Variants in BAZ2B observed in about 807,000 individuals in gnomAD.
BAZ2B encodes bromodomain adjacent to zinc finger domain 2B, also known as bromodomain adjacent to zinc finger domain protein 2B.
A neutral mutation model predicts 246.0 loss-of-function variants in BAZ2B; 91 were observed. The observed-to-expected ratio is 0.37, with a 90% CI of 0.31 to 0.44. The LOEUF is 0.44. Among genes scored for constraint, BAZ2B ranks in the 20% least tolerant of loss-of-function variants. The pLI is 1.00. For missense variants in BAZ2B, 2,332 were observed against 2,533.7 expected (o/e 0.92, Z 1.71); for synonymous variants, 855 against 860.0 (o/e 0.99, Z 0.10).
chr2:159,694,590 C>T, the BAZ2B span: 1 of 152,098 alleles, frequency 6.6e-6, no homozygotes, highest in Non-Finnish European at 1.5e-5. Context: ...TACAATGTGA[C>T]CTTTTATGTT....
At chr2:159,700,422 A>G in the BAZ2B span, among the ~76,000 whole-genome samples, 1 of 149,400 alleles carries the variant, frequency 6.7e-6, no homozygotes, top group African/African-American at 2.5e-5. Context: ...AATTTGTATT[A>G]TATTTTATAA....
At chr2:159,437,295 G>C in intron 8 of BAZ2B, 1 of 152,060 alleles carries the variant, frequency 6.6e-6, no homozygotes, top group Non-Finnish European at 1.5e-5. Context: ...AAAATCAACA[G>C]CAAGAAAAAC....
chr2:159,439,481 T>G (rs1001840752), intron 6 of BAZ2B, among the ~76,000 whole-genome samples: 1 of 152,186 alleles, frequency 6.6e-6, no homozygotes, highest in African/African-American at 2.4e-5. Context: ...ATATGACTGT[T>G]ATTCTTCAAA....
At position 159,352,286 on chromosome 2, in the gene BAZ2B, C is replaced by T. The variant is rs115018830; in HGVS notation, c.4214-1929G>A. Among the ~76,000 whole-genome samples the T allele has an allele frequency of 7.6e-3, 1,152 of 152,186 alleles. 14 individuals are homozygous for T. Among genetic ancestry groups the T allele is most frequent in the African/African-American group, 0.026 (1,084 of 41,528 alleles). On this transcript the variant is annotated intron_variant, in intron 27 of 36. Coordinates refer to ENST00000392783, the MANE Select transcript of BAZ2B (RefSeq NM_013450.4). ...TATCCTTCATGTCTCAGATAATAAA[C>T]GTTATTTCCTTACGGAGATTTTCTC...
At chr2:159,376,001 T>G (rs2061375629) in intron 25 of BAZ2B, among the ~76,000 whole-genome samples, 1 of 152,180 alleles carries the variant, frequency 6.6e-6, no homozygotes, top group African/African-American at 2.4e-5. Flanking sequence ...TTGTAAGTAA[T>G]TGTGTGAAAT....
At chr2:159,468,835 G>C (rs2077407190) in intron 3 of BAZ2B, among the ~76,000 whole-genome samples, 1 of 152,232 alleles carries the variant, frequency 6.6e-6, no homozygotes, top group South Asian at 2.1e-4. Flanking sequence ...ACAAGTTCAG[G>C]AGTTCAAGAC....
intron 3 of BAZ2B, among the ~76,000 whole-genome samples, chr2:159,466,741 GT>G (rs143225140): frequency 0.035 from 5,361 of 152,274 alleles, 288 homozygotes; most frequent in African/African-American, 0.12. Flanking sequence ...GGCTGATGGT[GT>G]TAAGTCCCAG....
chr2:159,662,321 G>T, the BAZ2B span, among the ~76,000 whole-genome samples: 2 of 152,186 alleles, frequency 1.3e-5, no homozygotes, highest in African/African-American at 4.8e-5. Context: ...ATTTGTTTGG[G>T]TATCTGTTTT....
chr2:159,576,707 T>A (rs1468567538), intron 1 of BAZ2B, among the ~76,000 whole-genome samples: 2 of 134,684 alleles, frequency 1.5e-5, no homozygotes, highest in Admixed American at 7.8e-5. Context: ...AGGTCGGGAG[T>A]TCGAGACCAG....
At chr2:159,497,363 C>T (rs1030389410) in intron 2 of BAZ2B, among the ~76,000 whole-genome samples, 1 of 152,192 alleles carries the variant, frequency 6.6e-6, no homozygotes. Context: ...GTCCATGACT[C>T]ATTATGCTTT....
chr2:159,383,519 T>G (rs1175307973), intron 24 of BAZ2B, 87 bp downstream of exon 24: 1 of 1,155,230 alleles, frequency 8.7e-7, no homozygotes, highest in Non-Finnish European at 1.3e-6. Flanking sequence ...AATAAAAGTT[T>G]AAATTCTATC....
At chr2:159,602,603 A>G (rs1692425159) in intron 1 of BAZ2B, among the ~76,000 whole-genome samples, 1 of 152,200 alleles carries the variant, frequency 6.6e-6, no homozygotes, top group South Asian at 2.1e-4. Context: ...AACTTTGTTC[A>G]ATAGCATTAA....
intron 1 of BAZ2B, among the ~76,000 whole-genome samples, chr2:159,593,605 T>A (rs533958321): frequency 8.0e-4 from 122 of 152,336 alleles, no homozygotes; most frequent in African/African-American, 2.9e-3. Context: ...AGTTTTAAAT[T>A]GTGTGCCATT....
chr2:159,518,284 G>A (rs2151234914), intron 2 of BAZ2B, among the ~76,000 whole-genome samples: 1 of 152,324 alleles, frequency 6.6e-6, no homozygotes, highest in East Asian at 1.9e-4. Context: ...TTACAATTCA[G>A]TTAAAAGGTA....
At chr2:159,579,005 T>C (rs1686053314) in intron 1 of BAZ2B, among the ~76,000 whole-genome samples, 1 of 151,912 alleles carries the variant, frequency 6.6e-6, no homozygotes, top group Non-Finnish European at 1.5e-5. Context: ...ACGTCACAAT[T>C]AAAAGAACTA....
At chr2:159,418,647 T>G (rs140558928) in intron 13 of BAZ2B, among the ~76,000 whole-genome samples, 15 of 152,282 alleles carry the variant, frequency 9.9e-5, no homozygotes, top group African/African-American at 3.4e-4. Flanking sequence ...AAATACAGTA[T>G]ACCAGTCCAC....
intron 20 of BAZ2B, among the ~76,000 whole-genome samples, chr2:159,394,417 C>T (rs535244507): frequency 1.1e-4 from 17 of 152,180 alleles, no homozygotes; most frequent in African/African-American, 2.6e-4. Flanking sequence ...TACAATTCCA[C>T]GCACAGATGT....
At chr2:159,583,994 A>C (rs953451753) in intron 1 of BAZ2B, among the ~76,000 whole-genome samples, 1 of 152,214 alleles carries the variant, frequency 6.6e-6, no homozygotes, top group Non-Finnish European at 1.5e-5. Context: ...GAAGTGTATT[A>C]AGAAATAGGG....
At chr2:159,363,733 G>A (rs1234607510) in intron 27 of BAZ2B, among the ~76,000 whole-genome samples, 1 of 152,204 alleles carries the variant, frequency 6.6e-6, no homozygotes, top group Non-Finnish European at 1.5e-5. Context: ...GTGTGGGAAT[G>A]TAGTCCTATT....
Sources: gnomAD v4.1 joint callset for allele counts (sites outside exome capture counted in the v4.1 genomes callset) on GRCh38, gnomAD v4.1.1 for gene constraint, MANE v1.5 for transcripts, NCBI Gene and HGNC (gene_info 2026-07-23, HGNC 2026-07-21) for gene names.